The following HAPLN1 variants were observed in gnomAD, a reference collection of about 807,000 sequenced individuals.
HAPLN1 encodes the protein hyaluronan and proteoglycan link protein 1, also known as Cartilage link protein.
Under a neutral mutation model 36.5 loss-of-function variants are expected in HAPLN1, and 13 were observed. That is an observed-to-expected ratio of 0.36 (90% CI 0.23 to 0.57). HAPLN1 has a LOEUF of 0.57. Ranked by LOEUF, HAPLN1 falls within the 20% of genes least tolerant of loss-of-function variation. The pLI is 0.83. For missense variants in HAPLN1, 407 were observed against 439.7 expected, an observed-to-expected ratio of 0.93 and a Z score of 0.66; for synonymous variants, 202 against 169.8, an observed-to-expected ratio of 1.19 and a Z score of -1.48.
intron 1 of HAPLN1, among the ~76,000 whole-genome samples, chr5:83,710,936 G>A (rs1751767275): frequency 6.6e-6 from 1 of 151,910 alleles, no homozygotes; most frequent in Admixed American, 6.6e-5. Context: ...GGGCGACAGA[G>A]AGAGATTCCG....
chr5:83,662,217 A>G (rs777916402), intron 2 of HAPLN1, among the ~76,000 whole-genome samples: 2 of 152,174 alleles, frequency 1.3e-5, no homozygotes, highest in Admixed American at 6.5e-5. Context: ...AACCATCTTT[A>G]TATCATCTTA....
At chr5:83,708,109 T>C (rs904401280) in intron 1 of HAPLN1, among the ~76,000 whole-genome samples, 3 of 152,232 alleles carry the variant, frequency 2.0e-5, no homozygotes, top group African/African-American at 7.2e-5. Flanking sequence ...TATACATTGT[T>C]GGAGGGAATG....
At chr5:83,712,530 G>A (rs1025452573) in intron 1 of HAPLN1, among the ~76,000 whole-genome samples, 5 of 151,962 alleles carry the variant, frequency 3.3e-5, no homozygotes, top group Non-Finnish European at 7.4e-5. Flanking sequence ...ATCTTGATCA[G>A]TATATTTTAG....
At chr5:83,679,669 A>T (rs1184021345) in intron 1 of HAPLN1, among the ~76,000 whole-genome samples, 1 of 152,192 alleles carries the variant, frequency 6.6e-6, no homozygotes, top group African/African-American at 2.4e-5. Context: ...CAACTATACT[A>T]GGAAAACAGT....
At chr5:83,688,642 C>CTTTTTTTTTTTTTTT (rs539790396) in intron 1 of HAPLN1, among the ~76,000 whole-genome samples, 2 of 80,560 alleles carry the variant, frequency 2.5e-5, no homozygotes, top group Admixed American at 1.5e-4. Flanking sequence ...GCTTTTGATT[C>CTTTTTTTTTTTTTTT]TTTTTTTTTT....
At chr5:83,676,671 A>C (rs1426455062) in intron 1 of HAPLN1, among the ~76,000 whole-genome samples, 1 of 152,158 alleles carries the variant, frequency 6.6e-6, no homozygotes, top group Non-Finnish European at 1.5e-5. Flanking sequence ...GCCTCCTCTT[A>C]ATGTCTAGGT....
chr5:83,673,379 C>A (rs770029046), intron 2 of HAPLN1, 45 bp downstream of exon 2: 1 of 1,354,000 alleles, frequency 7.4e-7, no homozygotes, highest in Non-Finnish European at 1.0e-6. Context: ...CTCTAAGTAA[C>A]TTAAAATTAA....
chr5:83,644,530 T>C lies in HAPLN1; in HGVS notation c.608A>G (p.Asp203Gly), dbSNP rs1580116822. The change falls in exon 4 of 5, where the codon GAC becomes GGC. Residue 203 changes from aspartate to glycine, a missense_variant. Physicochemically the swap from Asp to Gly is moderately conservative, Grantham distance 94. Transcript: ENST00000274341. ...ACTGAGCCAGCCGGCATTGCACCAG[T>C]CCAGCCCGCCCCGCCAGGCGTCGTA... is the stretch of plus-strand genomic sequence containing the variant. ...QLYDAWRGGL[D>G]WCNAGWLSDG... The C allele has an allele frequency of 6.2e-7, 1 of 1,611,362 alleles. No homozygotes were observed. The highest frequency in any genetic ancestry group is 2.2e-5 in the East Asian group (1 of 44,648).
intron 1 of HAPLN1, among the ~76,000 whole-genome samples, chr5:83,700,776 G>A (rs781766158): frequency 5.9e-5 from 9 of 151,924 alleles, no homozygotes; most frequent in Non-Finnish European, 1.3e-4. Flanking sequence ...GATGGCACAA[G>A]GCTCCTCTCA....
chr5:83,688,404 A>G (rs1751187147), intron 1 of HAPLN1, among the ~76,000 whole-genome samples: 1 of 152,102 alleles, frequency 6.6e-6, no homozygotes, highest in Non-Finnish European at 1.5e-5. Flanking sequence ...CACATGTTAA[A>G]CTTTTCAATA....
At chr5:83,714,617 C>T (rs1751877424) in intron 1 of HAPLN1, among the ~76,000 whole-genome samples, 1 of 152,128 alleles carries the variant, frequency 6.6e-6, no homozygotes, top group Admixed American at 6.5e-5. Flanking sequence ...AAGATGTTGG[C>T]TTTGACCCGT....
Position 83,673,404 on chromosome 5 carries a change from G to A in HAPLN1, c.100+20C>T. On this transcript the variant is annotated intron_variant, in intron 2 of 4. Coordinates refer to ENST00000274341, the MANE Select transcript of HAPLN1 (RefSeq NM_001884.4). Reference sequence around the variant, plus strand: ...CTTAAAATTAATTAGGCTTTGATAAGAGAAGCTGTGTTTCCTTACCTTGGA... The same window carrying A: ...CTTAAAATTAATTAGGCTTTGATAAAAGAAGCTGTGTTTCCTTACCTTGGA... 6.7e-7 allele frequency: 1 copy of A among 1,498,052 alleles called. No individual in the cohort carries two copies. The highest frequency in any genetic ancestry group is 2.3e-5 in the East Asian group (1 of 42,640). The allele number at this position is 1,498,052 out of a possible 1,614,324, so 92.8% of individuals were successfully genotyped here.
At chr5:83,663,056 G>A (rs971964477) in intron 2 of HAPLN1, among the ~76,000 whole-genome samples, 1 of 152,206 alleles carries the variant, frequency 6.6e-6, no homozygotes, top group Admixed American at 6.5e-5. Flanking sequence ...CAAATGCCCA[G>A]GTGGGCAAGG....
intron 4 of HAPLN1, 57 bp downstream of exon 4, chr5:83,644,306 T>C (rs1561298548): frequency 1.6e-6 from 2 of 1,254,526 alleles, no homozygotes; most frequent in South Asian, 4.3e-5. Flanking sequence ...AAGTGTAGTG[T>C]TATAGTATGG....
At chr5:83,681,717 C>T (rs1287421786) in intron 1 of HAPLN1, among the ~76,000 whole-genome samples, 2 of 151,968 alleles carry the variant, frequency 1.3e-5, no homozygotes, top group Admixed American at 6.6e-5. Flanking sequence ...CCCTATTTGC[C>T]CACGCTATAC....
At chr5:83,697,083 A>G (rs11954405) in intron 1 of HAPLN1, among the ~76,000 whole-genome samples, 25 of 152,144 alleles carry the variant, frequency 1.6e-4, no homozygotes, top group African/African-American at 4.8e-4. Flanking sequence ...GCAAACACTA[A>G]TCTACTTTCT....
chr5:83,706,558 C>G (rs1419122231), intron 1 of HAPLN1, among the ~76,000 whole-genome samples: 2 of 152,162 alleles, frequency 1.3e-5, no homozygotes, highest in Non-Finnish European at 2.9e-5. Context: ...TCTCAATAAA[C>G]TAGGTATTGA....
chr5:83,712,470 T>G (rs1751812539), intron 1 of HAPLN1, among the ~76,000 whole-genome samples: 1 of 152,154 alleles, frequency 6.6e-6, no homozygotes, highest in South Asian at 2.1e-4. Flanking sequence ...GGATAATTAT[T>G]AGCACATAGT....
At chr5:83,706,734 A>C (rs922947629) in intron 1 of HAPLN1, among the ~76,000 whole-genome samples, 2 of 152,198 alleles carry the variant, frequency 1.3e-5, no homozygotes, top group Non-Finnish European at 2.9e-5. Flanking sequence ...TAGCCACAGC[A>C]ATCAGGCAAG....
Sources: gnomAD v4.1 joint callset for allele counts (sites outside exome capture counted in the v4.1 genomes callset) on GRCh38, gnomAD v4.1.1 for gene constraint, MANE v1.5 for transcripts, NCBI Gene and HGNC (gene_info 2026-07-23, HGNC 2026-07-21) for gene names.